ETFBKMT: variants seen among roughly 807,000 people sequenced by gnomAD.
ETFBKMT encodes electron transfer flavoprotein subunit beta lysine methyltransferase.
Under a neutral mutation model 18.3 loss-of-function variants are expected in ETFBKMT, and 13 were observed. The observed-to-expected ratio is 0.71, with a 90% confidence interval of 0.46 to 1.13. The LOEUF (loss-of-function observed/expected upper bound fraction) is 1.13. Ranked by LOEUF, ETFBKMT falls within the 50% of genes most tolerant of loss-of-function variation. The pLI is 0.00. For synonymous variants in ETFBKMT, 84 were observed against 107.9 expected (o/e 0.78, Z 1.37); for missense variants, 293 against 306.2 (o/e 0.96, Z 0.32).
intron 1 of ETFBKMT, among the ~76,000 whole-genome samples, chr12:31,648,878 C>A (rs1450023644): frequency 6.6e-6 from 1 of 151,608 alleles, no homozygotes; most frequent in Non-Finnish European, 1.5e-5. Flanking sequence ...GGGGTTTCAC[C>A]ATGTTGGTCA....
intron 2 of ETFBKMT, 95 bp downstream of exon 2, chr12:31,662,362 G>C (rs905506982): frequency 9.5e-6 from 11 of 1,161,800 alleles, no homozygotes; most frequent in South Asian, 2.9e-5. Context: ...GCTAGGCGTG[G>C]TGGCTCATGC....
intron 1 of ETFBKMT, among the ~76,000 whole-genome samples, chr12:31,651,864 C>G (rs1268801380): frequency 1.3e-5 from 2 of 152,128 alleles, no homozygotes; most frequent in African/African-American, 4.8e-5. Context: ...CATTTTCTAA[C>G]AAAGAGCATT....
At chr12:31,656,613 G>A (rs926651247), upstream of ETFBKMT, among the ~76,000 whole-genome samples, 1 of 152,138 alleles carries the variant, frequency 6.6e-6, no homozygotes, top group Admixed American at 6.5e-5. Flanking sequence ...CTAGCATTAC[G>A]GTTAAACGAG....
chr12:31,663,335 C>A (rs1285524347), intron 2 of ETFBKMT, among the ~76,000 whole-genome samples: 2 of 152,146 alleles, frequency 1.3e-5, no homozygotes, highest in African/African-American at 4.8e-5. Context: ...TCGTGATCCG[C>A]CCTCCTCGGC....
rs1951193998 is a variant in ETFBKMT, at chr12:31,666,211, G to T, written c.439G>T (p.Asp147Tyr). ...ATCAAGGATCTTGGCCAATGACATA[G>T]ACCCTAGTAAGGATTCATATTTTAA... ...GASRILANDIDPIAGMAITLN... is the reference protein window; with the variant it reads ...GASRILANDIYPIAGMAITLN... The change falls in exon 3 of 4, where the codon GAC (aspartate) becomes TAC (tyrosine). Residue 147 changes from aspartate to tyrosine, a missense_variant. Transcript: ENST00000357721. The T allele has an allele frequency of 6.2e-7, 1 of 1,612,868 alleles. No homozygotes were observed. Among genetic ancestry groups the T allele is most frequent in the Non-Finnish European group, 8.5e-7 (1 of 1,179,626 alleles).
rs1282798322 is a variant in ETFBKMT at position 31,670,271 on chromosome 12, TC to T, written c.*2282del. The T allele has an allele frequency of 1.3e-5, 2 of 152,236 alleles. No homozygotes were observed. Among genetic ancestry groups the T allele is most frequent in the Non-Finnish European group, 2.9e-5 (2 of 68,056 alleles). The allele number at this position is 152,236 out of a possible 1,614,324, so 9.4% of individuals were successfully genotyped here. A position where few individuals can be genotyped will look rare whatever the true frequency, so the allele number is the denominator to read the frequency against. On this transcript the variant is annotated 3_prime_UTR_variant, in exon 4 of 4. Transcript: ENST00000357721. ...GCTTCTGCTCCCTGTAAGCTATGGT[TC>T]TTTGTATTTGCGTTTCTAATTTGTG...
rs1392113997 is a variant in ETFBKMT at position 31,670,955 on chromosome 12, G to A, written c.*2965G>A. ...GAAGTAAGGGTAATAGGGAATACTGGGTACTGGATGGGGTACAGATATTTT... is the reference window on the plus strand; with the variant it reads ...GAAGTAAGGGTAATAGGGAATACTGAGTACTGGATGGGGTACAGATATTTT... On this transcript the variant is annotated 3_prime_UTR_variant, in exon 4 of 4. Coordinates refer to ENST00000357721, the MANE Select transcript of ETFBKMT (RefSeq NM_001135863.2). 1 of 152,126 alleles carries A rather than the reference G, an allele frequency of 6.6e-6. No homozygotes were observed. Among genetic ancestry groups the A allele is most frequent in the South Asian group, 2.1e-4 (1 of 4,832 alleles). 9.4% of individuals were successfully genotyped at this position (152,126 alleles called of 1,614,324 possible). A position where few individuals can be genotyped will look rare whatever the true frequency, so the allele number is the denominator to read the frequency against.
In ETFBKMT at chr12:31,661,952, TG is replaced by T. The variant is rs1565749088; in HGVS notation, c.-1del. The T allele has an allele frequency of 6.2e-7, 1 of 1,613,062 alleles. No homozygotes were observed. Among genetic ancestry groups the T allele is most frequent in the South Asian group, 1.1e-5 (1 of 91,050 alleles). The stretch of plus-strand genomic sequence containing the variant: ...CAGAACCTGTGTTTGGGGAAAGGAC[TG>T]ATGGCTTTGAGTCTAGGTTGGAAAG... On this transcript the variant is annotated 5_prime_UTR_variant, in exon 2 of 4. Transcript: ENST00000357721.
At chr12:31,662,413 T>C in intron 2 of ETFBKMT, 146 bp downstream of exon 2, 1 of 706,878 alleles carries the variant, frequency 1.4e-6, no homozygotes, top group East Asian at 2.7e-5. Context: ...CTGTAAGCTG[T>C]GATCCTGCCA....
intron 1 of ETFBKMT, among the ~76,000 whole-genome samples, chr12:31,649,126 T>C (rs796601944): frequency 2.6e-4 from 40 of 152,330 alleles, no homozygotes; most frequent in African/African-American, 8.9e-4. Context: ...TAATGTTTTG[T>C]ATTTTAGTAG....
intron 1 of ETFBKMT, among the ~76,000 whole-genome samples, chr12:31,647,980 TAG>T (rs1172174107): frequency 6.6e-6 from 1 of 152,116 alleles, no homozygotes; most frequent in African/African-American, 2.4e-5. Flanking sequence ...AATTTGAGCA[TAG>T]AGTTACTATA....
intron 2 of ETFBKMT, among the ~76,000 whole-genome samples, chr12:31,663,621 A>T (rs1758695810): frequency 2.0e-5 from 3 of 152,224 alleles, no homozygotes; most frequent in Admixed American, 6.5e-5. Flanking sequence ...ATCAACAAAG[A>T]ATTGGACATG....
intron 1 of ETFBKMT, among the ~76,000 whole-genome samples, chr12:31,661,467 A>C (rs890011750): frequency 6.6e-6 from 1 of 152,130 alleles, no homozygotes; most frequent in East Asian, 1.9e-4. Flanking sequence ...ATACACTGTA[A>C]TATTTTATTT....
chr12:31,653,567 T>C (rs774865482), intron 1 of ETFBKMT, among the ~76,000 whole-genome samples: 11 of 152,218 alleles, frequency 7.2e-5, no homozygotes, highest in Non-Finnish European at 1.5e-4. Flanking sequence ...ACGGTGCCCA[T>C]AGATTTGTTG....
chr12:31,671,358 A>ATACT lies in ETFBKMT; in HGVS notation c.*3372_*3375dup, dbSNP rs1951266878. On this transcript the variant is annotated 3_prime_UTR_variant, in exon 4 of 4. Coordinates refer to ENST00000357721, the MANE Select transcript of ETFBKMT (RefSeq NM_001135863.2). Reference sequence around the variant, plus strand: ...CCCCAACATATACAAGAAAGTTAGCATACTTACCCCGTTTTTCACTACATC... The same window carrying ATACT: ...CCCCAACATATACAAGAAAGTTAGCATACTTACTTACCCCGTTTTTCACTACATC... 1 of 152,190 alleles carries ATACT rather than the reference A, an allele frequency of 6.6e-6. No individual in the cohort carries two copies. The highest frequency in any genetic ancestry group is 1.5e-5 in the Non-Finnish European group (1 of 68,034). 9.4% of individuals were successfully genotyped at this position (152,190 alleles called of 1,614,324 possible).
Position 31,669,563 on chromosome 12 carries a change from C to A in ETFBKMT, c.*1573C>A, listed in dbSNP as rs1951239727. The stretch of plus-strand genomic sequence containing the variant: ...AATGGTTACTTTCCCTATCCTCATA[C>A]CAGAAGAGGGGATTTTTCTCTGATC... On this transcript the variant is annotated 3_prime_UTR_variant, in exon 4 of 4. Transcript: ENST00000357721. 6.6e-6 allele frequency: 1 copy of A among 152,174 alleles called. No individual in the cohort carries two copies. Among genetic ancestry groups the A allele is most frequent in the African/African-American group, 2.4e-5 (1 of 41,424 alleles). 9.4% of individuals were successfully genotyped at this position (152,174 alleles called of 1,614,324 possible).
upstream of ETFBKMT, among the ~76,000 whole-genome samples, chr12:31,657,956 T>A (rs1440016815): frequency 2.0e-5 from 3 of 152,174 alleles, no homozygotes; most frequent in Non-Finnish European, 4.4e-5. Flanking sequence ...AGGAAAGGCA[T>A]GTTGCAGTCC....
chr12:31,659,376 G>A (rs1293139140), upstream of ETFBKMT: 1 of 152,262 alleles, frequency 6.6e-6, no homozygotes, highest in Non-Finnish European at 1.5e-5. Flanking sequence ...AGGAGACAGG[G>A]AGGACGGTGC....
intron 2 of ETFBKMT, among the ~76,000 whole-genome samples, chr12:31,664,932 TTTC>T (rs1020627072): frequency 1.4e-5 from 2 of 144,040 alleles, no homozygotes; most frequent in African/African-American, 5.1e-5. Context: ...ATTTCTTTTC[TTTC>T]TTTCTTTTTT....
Sources: allele counts gnomAD v4.1 joint callset (sites outside exome capture counted in the v4.1 genomes callset), GRCh38; gene constraint gnomAD v4.1.1; transcripts MANE v1.5; gene names NCBI Gene and HGNC (gene_info 2026-07-23, HGNC 2026-07-21).